The following SETBP1 variants were observed in gnomAD, a reference collection of about 807,000 sequenced individuals.
The protein encoded by SETBP1 is SET binding protein 1.
A neutral mutation model predicts 101.0 loss-of-function variants in SETBP1; 9 were observed. The ratio of observed to expected loss-of-function variants is 0.09; its 90% CI spans 0.05 to 0.16. The LOEUF is 0.16. Ranked by LOEUF, SETBP1 falls within the 10% of genes least tolerant of loss-of-function variation. SETBP1 has a pLI of 1.00. For missense variants in SETBP1, 1,858 were observed against 2,033.8 expected, an observed-to-expected ratio of 0.91 and a Z score of 1.66; for synonymous variants, 818 against 788.5, an observed-to-expected ratio of 1.04 and a Z score of -0.63.
chr18:44,854,319 T>C (rs2072930526), intron 2 of SETBP1, among the ~76,000 whole-genome samples: 1 of 152,188 alleles, frequency 6.6e-6, no homozygotes, highest in Non-Finnish European at 1.5e-5. Context: ...GCAGACTCAC[T>C]GCGTTTATCT....
Position 45,063,947 on chromosome 18 carries a change from A to C in SETBP1, c.*249A>C. On this transcript the variant is annotated 3_prime_UTR_variant, in exon 6 of 6. Transcript: ENST00000649279. Reference sequence around the variant, plus strand: ...AGCTCCCACCACGCGGCGCTTCAGTACGGCTGGATCCTCCGCAGGCGAGCG... The same window carrying C: ...AGCTCCCACCACGCGGCGCTTCAGTCCGGCTGGATCCTCCGCAGGCGAGCG... The C allele has an allele frequency of 2.3e-6, 1 of 434,466 alleles. No homozygotes were observed. The highest frequency in any genetic ancestry group is 4.2e-6 in the Non-Finnish European group (1 of 236,972). 26.9% of individuals were successfully genotyped at this position (434,466 alleles called of 1,614,324 possible).
chr18:44,976,787 G>T (rs1341257582), intron 4 of SETBP1, among the ~76,000 whole-genome samples: 1 of 152,180 alleles, frequency 6.6e-6, no homozygotes, highest in African/African-American at 2.4e-5. Context: ...GAGAGGCATA[G>T]ATGTGTTCTG....
At chr18:44,823,232 T>TA (rs2072157133) in intron 2 of SETBP1, among the ~76,000 whole-genome samples, 1 of 152,226 alleles carries the variant, frequency 6.6e-6, no homozygotes, top group Non-Finnish European at 1.5e-5. Flanking sequence ...GTCAAAATCT[T>TA]AGAGTGGATA....
intron 2 of SETBP1, among the ~76,000 whole-genome samples, chr18:44,716,497 C>G (rs1266940903): frequency 6.6e-6 from 1 of 152,126 alleles, no homozygotes; most frequent in Non-Finnish European, 1.5e-5. Context: ...TGTCCAGGCT[C>G]TTTATGTTTT....
intron 2 of SETBP1, among the ~76,000 whole-genome samples, chr18:44,856,129 A>C (rs2072972936): frequency 6.6e-6 from 1 of 152,020 alleles, no homozygotes; most frequent in Non-Finnish European, 1.5e-5. Flanking sequence ...AGGTTAAAAA[A>C]AAAAGCAATT....
intron 4 of SETBP1, among the ~76,000 whole-genome samples, chr18:45,008,069 A>G (rs2072766257): frequency 6.6e-6 from 1 of 152,178 alleles, no homozygotes; most frequent in Non-Finnish European, 1.5e-5. Flanking sequence ...AAAGAAATCA[A>G]CAGCCCTCCA....
intron 2 of SETBP1, among the ~76,000 whole-genome samples, chr18:44,805,114 T>C (rs1360264394): frequency 2.0e-5 from 3 of 152,172 alleles, no homozygotes; most frequent in Admixed American, 2.0e-4. Flanking sequence ...CCCTACACTT[T>C]GTCCATACAA....
chr18:44,815,094 C>T (rs1299443284), intron 2 of SETBP1, among the ~76,000 whole-genome samples: 1 of 152,198 alleles, frequency 6.6e-6, no homozygotes, highest in Non-Finnish European at 1.5e-5. Flanking sequence ...GTGCCAGCAA[C>T]TAAGTGAAGA....
At chr18:44,925,351 C>T (rs2070682945) in intron 3 of SETBP1, among the ~76,000 whole-genome samples, 1 of 152,136 alleles carries the variant, frequency 6.6e-6, no homozygotes, top group African/African-American at 2.4e-5. Context: ...TGCACCAGAG[C>T]TGGGACCCAC....
intron 1 of SETBP1, among the ~76,000 whole-genome samples, chr18:44,691,767 C>G (rs1169795258): frequency 6.6e-6 from 1 of 152,144 alleles, no homozygotes; most frequent in Non-Finnish European, 1.5e-5. Flanking sequence ...GGTACCAGCC[C>G]TGGCTTTGAA....
chr18:44,929,620 G>A (rs1452030035), intron 3 of SETBP1, among the ~76,000 whole-genome samples: 1 of 152,092 alleles, frequency 6.6e-6, no homozygotes, highest in African/African-American at 2.4e-5. Context: ...TTGAGCAGTG[G>A]TTTGTAGTTC....
Position 45,063,440 on chromosome 18 carries a change from G to A in SETBP1, c.4533G>A (p.Ala1511=), listed in dbSNP as rs2073920222. ...ACACCATCATGGCCACCATCGAGGC[G>A]GTCATCCACATGGCCCGGGAGGCGC... ...SQDTIMATIE[A]VIHMAREAPP... is the part of the protein sequence containing the mutation. Residue 1511 remains alanine, a synonymous_variant, in exon 6 of 6, where the codon GCG becomes GCA. Transcript: ENST00000649279. 2.0e-6 allele frequency: 3 copies of A among 1,497,964 alleles called. No homozygotes were observed. The South Asian group carries it at 4.0e-5, about 20-fold the overall frequency. 92.8% of individuals were successfully genotyped at this position (1,497,964 alleles called of 1,614,324 possible).
At chr18:44,779,308 G>A (rs903792192) in intron 2 of SETBP1, among the ~76,000 whole-genome samples, 1 of 152,184 alleles carries the variant, frequency 6.6e-6, no homozygotes, top group Non-Finnish European at 1.5e-5. Flanking sequence ...GGAAGGCTGA[G>A]GACCATGCAT....
intron 3 of SETBP1, among the ~76,000 whole-genome samples, chr18:44,944,388 G>T (rs543344735): frequency 6.6e-6 from 1 of 152,328 alleles, no homozygotes; most frequent in East Asian, 1.9e-4. Flanking sequence ...CTCCAGAGAA[G>T]AAATGTGGTG....
intron 2 of SETBP1, among the ~76,000 whole-genome samples, chr18:44,763,981 C>G (rs1331248361): frequency 6.6e-6 from 1 of 152,216 alleles, no homozygotes; most frequent in Admixed American, 6.5e-5. Context: ...AAATGTTTAT[C>G]TATACCCTGG....
At chr18:44,934,283 A>G (rs906278420) in intron 3 of SETBP1, among the ~76,000 whole-genome samples, 2 of 151,790 alleles carry the variant, frequency 1.3e-5, no homozygotes, top group Admixed American at 6.6e-5. Context: ...CAAGTAGCTG[A>G]GATTACAGGT....
intron 2 of SETBP1, among the ~76,000 whole-genome samples, chr18:44,867,260 T>C (rs961486102): frequency 6.6e-6 from 1 of 152,196 alleles, no homozygotes; most frequent in African/African-American, 2.4e-5. Context: ...CCTACCTTTC[T>C]CCTTAAGGTC....
intron 1 of SETBP1, among the ~76,000 whole-genome samples, chr18:44,682,584 G>A (rs2068776579): frequency 6.6e-6 from 1 of 152,190 alleles, no homozygotes; most frequent in Admixed American, 6.5e-5. Context: ...GAGTGAAGGT[G>A]AGGTGCTGTG....
chr18:44,686,810 C>T (rs2068848033), intron 1 of SETBP1, among the ~76,000 whole-genome samples: 1 of 152,122 alleles, frequency 6.6e-6, no homozygotes, highest in Non-Finnish European at 1.5e-5. Context: ...GGGGTAATCA[C>T]CCAAAAGTTT....
Sources: gnomAD v4.1 joint callset for allele counts (sites outside exome capture counted in the v4.1 genomes callset) on GRCh38, gnomAD v4.1.1 for gene constraint, MANE v1.5 for transcripts, NCBI Gene and HGNC (gene_info 2026-07-23, HGNC 2026-07-21) for gene names.